ROCK2: variants seen among roughly 807,000 people sequenced by gnomAD.
ROCK2 encodes the protein Rho associated coiled-coil containing protein kinase 2, also known as rho-associated protein kinase 2.
A neutral mutation model predicts 195.1 loss-of-function variants in ROCK2; 61 were observed. That is an observed-to-expected ratio of 0.31 (90% CI 0.25 to 0.39). The LOEUF (loss-of-function observed/expected upper bound fraction) is 0.39, where lower values mean the gene tolerates loss of function less well. Among genes scored for constraint, ROCK2 ranks in the 10% least tolerant of loss-of-function variants. The probability of loss-of-function intolerance (pLI) is 1.00; values close to 1 mark genes in which losing one functional copy is unlikely to be tolerated. For missense variants in ROCK2, 1,109 were observed against 1,637.4 expected, an observed-to-expected ratio of 0.68 and a Z score of 5.57; for synonymous variants, 504 against 545.5, an observed-to-expected ratio of 0.92 and a Z score of 1.06.
rs758615706 is a variant in ROCK2 at position 11,243,094 on chromosome 2, A to G, written c.462+6567T>C. Reference sequence around the variant, plus strand: ...GCAAAGGGGCAGCCTAGTGGGGGATATAACAGCCAAAAAGGTTGAGGAGTC... The same window carrying G: ...GCAAAGGGGCAGCCTAGTGGGGGATGTAACAGCCAAAAAGGTTGAGGAGTC... On this transcript the variant is annotated intron_variant, in intron 4 of 32. Transcript: ENST00000315872. Among the ~76,000 whole-genome samples, 4 of 152,102 alleles carry G rather than the reference A, an allele frequency of 2.6e-5. No individual in the cohort carries two copies. The East Asian group carries it at 5.9e-4, about 22-fold the overall frequency.
Position 11,211,753 on chromosome 2 carries a change from T to C in ROCK2, c.2131A>G (p.Thr711Ala). The change falls in exon 18 of 33, where the codon ACA becomes GCA. Residue 711 changes from threonine (T) to alanine (A), a missense_variant. Physicochemically the swap from Thr to Ala is moderately conservative, Grantham distance 58 (BLOSUM62 0). Transcript: ENST00000315872. ...TTTTTATCTGCTAGTCGTGCCTTTG[T>C]GGCCTTATGTTCAGCTTCTTCTTGT... ...LEQEEAEHKATKARLADKNKI... is the reference protein window; with the variant it reads ...LEQEEAEHKAAKARLADKNKI... 6.2e-7 allele frequency: 1 copy of C among 1,613,856 alleles called. No individual in the cohort carries two copies. Among genetic ancestry groups the C allele is most frequent in the East Asian group, 2.2e-5 (1 of 44,862 alleles).
chr2:11,209,449 C>T (rs529926115), intron 18 of ROCK2, among the ~76,000 whole-genome samples: 3 of 152,252 alleles, frequency 2.0e-5, no homozygotes, highest in South Asian at 4.1e-4. Flanking sequence ...ACCAAGGAAA[C>T]GCTCACAATG....
chr2:11,290,657 A>C (rs1667333482), intron 1 of ROCK2, among the ~76,000 whole-genome samples: 1 of 152,140 alleles, frequency 6.6e-6, no homozygotes, highest in African/African-American at 2.4e-5. Context: ...ATGCCAAGCA[A>C]TGGGTACGTG....
intron 3 of ROCK2, among the ~76,000 whole-genome samples, chr2:11,250,710 A>T (rs1479253317): frequency 6.6e-6 from 1 of 152,152 alleles, no homozygotes; most frequent in East Asian, 1.9e-4. Context: ...AACTTATCAA[A>T]TTTATCAGCA....
intron 3 of ROCK2, among the ~76,000 whole-genome samples, chr2:11,260,811 A>C (rs1666200863): frequency 1.3e-5 from 2 of 152,246 alleles, no homozygotes; most frequent in Admixed American, 6.5e-5. Flanking sequence ...ATTCATTTAT[A>C]TAAAATAAAA....
chr2:11,249,918 AAAAAGT>A (rs1179408378), intron 3 of ROCK2, 120 bp from the exon 4 acceptor site: 2 of 732,516 alleles, frequency 2.7e-6, no homozygotes, highest in Non-Finnish European at 4.0e-6. Flanking sequence ...CTTAGCTAAT[AAAAAGT>A]AAAAGCAAAA....
chr2:11,197,378 T>A lies in ROCK2; in HGVS notation c.3280-30A>T, dbSNP rs781600947. ...AAGAAATTTAATTACAATAAGTTAA[T>A]TGGATGCAACATAACTCAACATTTT... is the stretch of plus-strand genomic sequence containing the variant. On this transcript the variant is annotated intron_variant, in intron 26 of 32. Transcript: ENST00000315872. The surrounding 1 kb of genome is among the most constrained non-coding windows in gnomAD (Gnocchi z 4.9). The A allele has an allele frequency of 6.3e-7, 1 of 1,599,858 alleles. No homozygotes were observed. The highest frequency in any genetic ancestry group is 1.7e-5 in the Admixed American group (1 of 59,198).
intron 3 of ROCK2, among the ~76,000 whole-genome samples, chr2:11,264,077 A>G (rs922833999): frequency 1.1e-4 from 16 of 152,162 alleles, no homozygotes; most frequent in Non-Finnish European, 5.9e-5. Flanking sequence ...GAACGCAAGG[A>G]TATTTCAAGC....
At position 11,286,790 on chromosome 2, in the gene ROCK2, T is replaced by A; in HGVS notation, c.224-151A>T. ...GGCTGTTAGTTAAAAATCTAAGATATACATTAACGTTAAAGAACCAAAACT... is the reference window on the plus strand; with the variant it reads ...GGCTGTTAGTTAAAAATCTAAGATAAACATTAACGTTAAAGAACCAAAACT... On this transcript the variant is annotated intron_variant, in intron 2 of 32. Coordinates refer to ENST00000315872, the MANE Select transcript of ROCK2 (RefSeq NM_004850.5). The A allele has an allele frequency of 5.8e-6, 3 of 519,784 alleles. No individual in the cohort carries two copies. The South Asian group carries it at 8.3e-5, about 14-fold the overall frequency. 32.2% of individuals were successfully genotyped at this position (519,784 alleles called of 1,614,324 possible).
At position 11,344,125 on chromosome 2, in the gene ROCK2, G is replaced by T; in HGVS notation, c.12C>A (p.Pro4=). ...CGCCGGGCATTTTCCCCGTCGGCGG[G>T]GGCCGGCTCATGCCGCCACCGCTGG... MSR[P]PPTGKMPGAP... is the part of the protein sequence containing the mutation. The change falls in exon 1 of 33, where the codon CCC becomes CCA. Residue 4 remains proline, a synonymous_variant. Coordinates refer to ENST00000315872, the MANE Select transcript of ROCK2 (RefSeq NM_004850.5). The surrounding 1 kb of genome is among the most constrained non-coding windows in gnomAD (Gnocchi z 5.4). 2.0e-6 allele frequency: 3 copies of T among 1,471,054 alleles called. No homozygotes were observed. Among genetic ancestry groups the T allele is most frequent in the Non-Finnish European group, 2.7e-6 (3 of 1,118,012 alleles). The allele number at this position is 1,471,054 out of a possible 1,614,324, so 91.1% of individuals were successfully genotyped here.
chr2:11,214,168 G>A (rs181129616), intron 17 of ROCK2, among the ~76,000 whole-genome samples, 189 bp downstream of exon 17: 1 of 152,178 alleles, frequency 6.6e-6, no homozygotes, highest in Non-Finnish European at 1.5e-5. Context: ...AGCATGCTGA[G>A]GGCTGCTTGT....
chr2:11,239,676 A>G (rs776160689), intron 4 of ROCK2, among the ~76,000 whole-genome samples: 1 of 152,220 alleles, frequency 6.6e-6, no homozygotes, highest in African/African-American at 2.4e-5. Context: ...ACATCTGTAT[A>G]CCGTTTCCAC....
chr2:11,218,511 G>A, intron 10 of ROCK2, 45 bp from the exon 11 acceptor site: 1 of 1,317,036 alleles, frequency 7.6e-7, no homozygotes, highest in Non-Finnish European at 1.1e-6. Flanking sequence ...CTAAAATGAT[G>A]GTTATATTCT....
At chr2:11,204,519 C>T (rs1293935947) in intron 20 of ROCK2, among the ~76,000 whole-genome samples, 1 of 152,114 alleles carries the variant, frequency 6.6e-6, no homozygotes, top group Non-Finnish European at 1.5e-5. Flanking sequence ...TTAATTTCCT[C>T]CTCTTGGTTT....
At chr2:11,290,859 A>G (rs1170487382) in intron 1 of ROCK2, among the ~76,000 whole-genome samples, 1 of 152,128 alleles carries the variant, frequency 6.6e-6, no homozygotes, top group Non-Finnish European at 1.5e-5. Context: ...CTTATTGCCC[A>G]AGTTTCATAT....
At chr2:11,266,691 A>G (rs1666427344) in intron 3 of ROCK2, among the ~76,000 whole-genome samples, 1 of 152,196 alleles carries the variant, frequency 6.6e-6, no homozygotes, top group South Asian at 2.1e-4. Context: ...ATACTAATTT[A>G]TTTACTGTAT....
chr2:11,279,821 A>T (rs561517669), intron 3 of ROCK2, among the ~76,000 whole-genome samples: 2 of 152,210 alleles, frequency 1.3e-5, no homozygotes. Context: ...TAGAAATCAT[A>T]CTGTGTCTAT....
At chr2:11,315,111 T>C (rs901367031) in intron 1 of ROCK2, among the ~76,000 whole-genome samples, 2 of 152,126 alleles carry the variant, frequency 1.3e-5, no homozygotes, top group East Asian at 1.9e-4. Context: ...AATCAAGGCA[T>C]GGTCCTTGCA....
chr2:11,259,375 A>T (rs575417908), intron 3 of ROCK2, among the ~76,000 whole-genome samples: 2 of 151,316 alleles, frequency 1.3e-5, no homozygotes, highest in Admixed American at 6.6e-5. Flanking sequence ...ACTGCAAGAC[A>T]AATGTTTAAG....
Sources: allele counts gnomAD v4.1 joint callset (sites outside exome capture counted in the v4.1 genomes callset), GRCh38; gene constraint gnomAD v4.1.1; non-coding constraint Gnocchi (gnomAD v3.1); transcripts MANE v1.5; gene names NCBI Gene and HGNC (gene_info 2026-07-23, HGNC 2026-07-21).